MLXIP: variants seen among roughly 807,000 people sequenced by gnomAD.
The protein encoded by MLXIP is MLX interacting protein, also known as MLX-interacting protein.
MLXIP carries 30 observed loss-of-function variants against 87.2 expected under a neutral mutation model. The ratio of observed to expected loss-of-function variants is 0.34; its 90% CI spans 0.26 to 0.47. The LOEUF (loss-of-function observed/expected upper bound fraction) is 0.47, where lower values mean the gene tolerates loss of function less well. Among genes scored for constraint, MLXIP ranks in the 20% least tolerant of loss-of-function variants. The pLI is 1.00. For missense variants in MLXIP, 1,002 were observed against 1,240.1 expected, an observed-to-expected ratio of 0.81 and a Z score of 2.88; for synonymous variants, 530 against 514.0, an observed-to-expected ratio of 1.03 and a Z score of -0.42.
intron 1 of MLXIP, among the ~76,000 whole-genome samples, chr12:122,113,681 CTTTT>C (rs1173711241): frequency 3.0e-5 from 3 of 100,684 alleles, no homozygotes; most frequent in East Asian, 6.4e-4. Context: ...GCCTTCATTT[CTTTT>C]TTTTTTTTTT....
intron 1 of MLXIP, among the ~76,000 whole-genome samples, chr12:122,112,884 G>A (rs1039047643): frequency 3.3e-5 from 5 of 152,132 alleles, no homozygotes; most frequent in African/African-American, 9.7e-5. Context: ...AAGGGAAGCC[G>A]TGAAAGTTCT....
intron 4 of MLXIP, 45 bp downstream of exon 4, chr12:122,129,271 G>A (rs771977918): frequency 6.6e-7 from 1 of 1,512,278 alleles, no homozygotes; most frequent in Non-Finnish European, 9.0e-7. Context: ...GGAGGGAGTG[G>A]GCAGAGTCCC....
chr12:122,130,737 ACT>A (rs1952963448), intron 6 of MLXIP, 105 bp from the exon 7 acceptor site: 3 of 774,410 alleles, frequency 3.9e-6, no homozygotes, highest in Non-Finnish European at 6.9e-6. Flanking sequence ...TCCTTGGAAG[ACT>A]CTGGGATGTG....
chr12:122,101,604 G>A (rs1164645379), intron 1 of MLXIP, among the ~76,000 whole-genome samples: 11 of 119,306 alleles, frequency 9.2e-5, no homozygotes, highest in African/African-American at 3.0e-4. Flanking sequence ...TTTTTGAGAC[G>A]GAGTCTCGCT....
Position 122,137,320 on chromosome 12 carries a change from C to A in MLXIP, c.2033-149C>A. On this transcript the variant is annotated intron_variant, in intron 11 of 16. Transcript: ENST00000319080. This position sits in a 1 kb window ranked among gnomAD's most constrained non-coding sequence, Gnocchi z 4.1. The stretch of plus-strand genomic sequence containing the variant: ...TTTTCAGGGAGTGAATAAGAATAAT[C>A]TAAGGAAGCATGTGTGTGCAGTTGA... 2.7e-6 allele frequency: 2 copies of A among 743,106 alleles called. No individual in the cohort carries two copies. Among genetic ancestry groups the A allele is most frequent in the Non-Finnish European group, 2.0e-6 (1 of 489,130 alleles). 46.0% of individuals were successfully genotyped at this position (743,106 alleles called of 1,614,324 possible).
intron 7 of MLXIP, among the ~76,000 whole-genome samples, chr12:122,131,139 C>A (rs920388168): frequency 5.3e-5 from 8 of 152,080 alleles, no homozygotes; most frequent in African/African-American, 1.9e-4. Flanking sequence ...AGGAAATTGG[C>A]TCTGGATTTA....
In MLXIP at chr12:122,135,173, C is replaced by T; in HGVS notation, c.1733-51C>T. On this transcript the variant is annotated intron_variant, in intron 9 of 16. Transcript: ENST00000319080. The surrounding 1 kb of genome is among the most constrained non-coding windows in gnomAD (Gnocchi z 5.3). ...AGAGAGGCAGCCTCTGCAGGGTGGG[C>T]CAGGCCCTGTGGCCCAGGGCTGCAC... The T allele has an allele frequency of 1.9e-6, 3 of 1,600,538 alleles. No individual in the cohort carries two copies. Among genetic ancestry groups the T allele is most frequent in the Middle Eastern group, 3.3e-4 (2 of 6,054 alleles).
Position 122,137,649 on chromosome 12 carries a change from A to G in MLXIP, c.2154+59A>G. On this transcript the variant is annotated intron_variant, in intron 12 of 16. Transcript: ENST00000319080. The surrounding 1 kb of genome is among the most constrained non-coding windows in gnomAD (Gnocchi z 4.1). ...GAGGGGAGAGGAGTGCAGGACATCA[A>G]GGATCTGTGTCTTGTCTGGAACGGA... The G allele has an allele frequency of 4.5e-6, 7 of 1,559,324 alleles. No homozygotes were observed. Among genetic ancestry groups the G allele is most frequent in the Non-Finnish European group, 6.1e-6 (7 of 1,153,242 alleles).
intron 1 of MLXIP, among the ~76,000 whole-genome samples, chr12:122,126,648 G>C (rs867563674): frequency 2.2e-4 from 33 of 152,286 alleles, no homozygotes; most frequent in African/African-American, 6.5e-4. Flanking sequence ...ACAGGAGCCT[G>C]GTTTGCACTC....
At chr12:122,119,477 C>T (rs1031390109) in intron 1 of MLXIP, among the ~76,000 whole-genome samples, 17 of 152,050 alleles carry the variant, frequency 1.1e-4, no homozygotes, top group Admixed American at 2.0e-4. Context: ...CTGCAAGCTC[C>T]GCCTTCCAGG....
chr12:122,117,340 A>T (rs1952707935), intron 1 of MLXIP, among the ~76,000 whole-genome samples: 1 of 152,218 alleles, frequency 6.6e-6, no homozygotes, highest in South Asian at 2.1e-4. Context: ...CCCTCCTGTC[A>T]AGCCATTGGC....
At position 122,136,178 on chromosome 12, in the gene MLXIP, A is replaced by T. The variant is rs148985509; in HGVS notation, c.2032+512A>T. 4.3e-3 allele frequency: 666 copies of T among 153,922 alleles called. 16 individuals are homozygous for T. In the South Asian group the frequency reaches 0.052, roughly 12 times the overall value. 9.5% of individuals were successfully genotyped at this position (153,922 alleles called of 1,614,324 possible). ...GACTGATTTTGCCCAGGGACATCTG[A>T]GGAGCCAACAGGCCAGATCAGGGAC... On this transcript the variant is annotated intron_variant, in intron 11 of 16. Transcript: ENST00000319080.
At chr12:122,094,123 T>G (rs1952301976) in intron 1 of MLXIP, among the ~76,000 whole-genome samples, 1 of 123,178 alleles carries the variant, frequency 8.1e-6, no homozygotes, top group African/African-American at 3.1e-5. Flanking sequence ...GTTGTGTGTG[T>G]TGGTATGTGT....
intron 1 of MLXIP, among the ~76,000 whole-genome samples, chr12:122,097,694 A>G (rs1371082729): frequency 6.6e-6 from 1 of 151,760 alleles, no homozygotes; most frequent in Non-Finnish European, 1.5e-5. Flanking sequence ...ACTGCCCACC[A>G]TCCCCCTGCT....
At chr12:122,134,065 CT>C in intron 9 of MLXIP, 78 bp downstream of exon 9, 1 of 1,458,632 alleles carries the variant, frequency 6.9e-7, no homozygotes. Context: ...GGCTTTCAAA[CT>C]TGTGACCACC....
At chr12:122,086,560 C>A (rs965530766) in intron 1 of MLXIP, among the ~76,000 whole-genome samples, 2 of 152,158 alleles carry the variant, frequency 1.3e-5, no homozygotes, top group African/African-American at 4.8e-5. Flanking sequence ...AATCAAATTA[C>A]TTCTTGGGTA....
intron 5 of MLXIP, 144 bp from the exon 6 acceptor site, chr12:122,129,797 G>A: frequency 7.7e-7 from 1 of 1,295,344 alleles, no homozygotes. Context: ...GGGCTGGAGG[G>A]AGCCGCTCTC....
chr12:122,125,980 G>A lies in MLXIP; in HGVS notation c.414-1276G>A, dbSNP rs138840902. The stretch of plus-strand genomic sequence containing the variant: ...ACTGCAGCTACTGTTGGCAAATCTC[G>A]GCTTGCCACGTGGCCTTTCTGAGTG... On this transcript the variant is annotated intron_variant, in intron 1 of 16. Transcript: ENST00000319080. 2.6e-3 allele frequency among the ~76,000 whole-genome samples: 397 copies of A among 152,316 alleles called. 3 individuals are homozygous for A. Among genetic ancestry groups the A allele is most frequent in the African/African-American group, 9.1e-3 (378 of 41,572 alleles).
chr12:122,085,086 G>T (rs756930771), intron 1 of MLXIP, among the ~76,000 whole-genome samples: 7 of 152,070 alleles, frequency 4.6e-5, no homozygotes, highest in African/African-American at 7.2e-5. Context: ...GCAAATGCCA[G>T]TTCCTCTCCA....
Sources: allele counts gnomAD v4.1 joint callset (sites outside exome capture counted in the v4.1 genomes callset), GRCh38; gene constraint gnomAD v4.1.1; non-coding constraint Gnocchi (gnomAD v3.1); transcripts MANE v1.5; gene names NCBI Gene and HGNC (gene_info 2026-07-23, HGNC 2026-07-21).